Variants in GABRA2 observed in about 807,000 individuals in gnomAD.
The protein encoded by GABRA2 is gamma-aminobutyric acid type A receptor subunit alpha2, also known as gamma-aminobutyric acid receptor subunit alpha-2.
In GABRA2, 16 loss-of-function variants were observed where a neutral mutation model predicts 48.7. The ratio of observed to expected loss-of-function variants is 0.33; its 90% CI spans 0.22 to 0.50. The LOEUF is 0.50. GABRA2 is among the 20% of genes least tolerant of loss of function. The pLI, the probability that GABRA2 is intolerant of heterozygous loss-of-function variation, is 0.98. For missense variants in GABRA2, 275 were observed against 535.6 expected, an observed-to-expected ratio of 0.51 and a Z score of 4.80; for synonymous variants, 185 against 184.5, an observed-to-expected ratio of 1.00 and a Z score of -0.02.
intron 3 of GABRA2, among the ~76,000 whole-genome samples, chr4:46,369,162 C>T (rs181794510): frequency 7.2e-5 from 11 of 152,212 alleles, no homozygotes; most frequent in South Asian, 6.2e-4. Flanking sequence ...CCTGGTCAAG[C>T]GGTTTACTTG....
chr4:46,288,172 A>G (rs1291836645), intron 8 of GABRA2, among the ~76,000 whole-genome samples: 1 of 152,246 alleles, frequency 6.6e-6, no homozygotes, highest in East Asian at 1.9e-4. Flanking sequence ...GAAAGGGGAC[A>G]CAGCCAAACC....
chr4:46,355,074 T>G (rs941514349), intron 3 of GABRA2, among the ~76,000 whole-genome samples: 7 of 152,100 alleles, frequency 4.6e-5, no homozygotes, highest in Admixed American at 1.3e-4. Context: ...CCTAGTCTAC[T>G]CCCTTCCGAG....
chr4:46,379,953 T>C (rs971567712), intron 3 of GABRA2, among the ~76,000 whole-genome samples: 6 of 151,634 alleles, frequency 4.0e-5, no homozygotes, highest in Admixed American at 2.0e-4. Flanking sequence ...CTCAGCATGT[T>C]CTCTCTCTCT....
chr4:46,269,334 T>G (rs1331023074), intron 8 of GABRA2, among the ~76,000 whole-genome samples: 1 of 151,696 alleles, frequency 6.6e-6, no homozygotes, highest in African/African-American at 2.4e-5. Flanking sequence ...CAATAGAGAA[T>G]AAAAAAGAAA....
At chr4:46,257,957 T>A (rs192859463) in intron 9 of GABRA2, among the ~76,000 whole-genome samples, 2 of 151,928 alleles carry the variant, frequency 1.3e-5, no homozygotes, top group Non-Finnish European at 2.9e-5. Context: ...GTATGGGCAG[T>A]GGAAAGATAT....
chr4:46,388,326 G>A (rs779429971), intron 2 of GABRA2, among the ~76,000 whole-genome samples: 1 of 151,980 alleles, frequency 6.6e-6, no homozygotes, highest in African/African-American at 2.4e-5. Context: ...ATCGAATCCT[G>A]GTGTTATATT....
intron 7 of GABRA2, among the ~76,000 whole-genome samples, chr4:46,303,950 A>G (rs1726189909): frequency 1.3e-5 from 2 of 152,218 alleles, no homozygotes. Flanking sequence ...CCTAATCAAA[A>G]TATATAAAAT....
chr4:46,343,694 A>G (rs1733676840), intron 3 of GABRA2, among the ~76,000 whole-genome samples: 1 of 152,042 alleles, frequency 6.6e-6, no homozygotes, highest in Non-Finnish European at 1.5e-5. Flanking sequence ...TATAATATGT[A>G]TAACTCAACA....
chr4:46,389,769 T>G lies in GABRA2; in HGVS notation c.-45A>C, dbSNP rs202079224. Reference sequence around the variant, plus strand: ...CAAGCAGAATTCGGTGTTTTCTTCCTTTTGCCCTGATCTTGACGAGATAGG... The same window carrying G: ...CAAGCAGAATTCGGTGTTTTCTTCCGTTTGCCCTGATCTTGACGAGATAGG... On this transcript the variant is annotated 5_prime_UTR_variant, in exon 1 of 10. Transcript: ENST00000381620. 76 of 973,324 alleles carry G rather than the reference T, an allele frequency of 7.8e-5. No homozygotes were observed. Among genetic ancestry groups the G allele is most frequent in the Non-Finnish European group, 9.2e-5 (76 of 828,114 alleles). 60.3% of individuals were successfully genotyped at this position (973,324 alleles called of 1,614,324 possible). A position where few individuals can be genotyped will look rare whatever the true frequency, so the allele number is the denominator to read the frequency against.
At chr4:46,356,630 C>T (rs1263341445) in intron 3 of GABRA2, among the ~76,000 whole-genome samples, 1 of 152,054 alleles carries the variant, frequency 6.6e-6, no homozygotes, top group East Asian at 1.9e-4. Context: ...CAGACGTTAT[C>T]GCAGGACAAT....
At chr4:46,263,098 T>C (rs1380752827) in intron 8 of GABRA2, among the ~76,000 whole-genome samples, 1 of 151,988 alleles carries the variant, frequency 6.6e-6, no homozygotes, top group Non-Finnish European at 1.5e-5. Flanking sequence ...TACATATACA[T>C]GTATGTACAT....
intron 9 of GABRA2, among the ~76,000 whole-genome samples, chr4:46,256,536 T>G (rs1449296956): frequency 6.6e-6 from 1 of 151,456 alleles, no homozygotes; most frequent in Non-Finnish European, 1.5e-5. Flanking sequence ...TGAGAAAACT[T>G]ATATATCTAA....
intron 5 of GABRA2, among the ~76,000 whole-genome samples, chr4:46,311,656 T>C (rs1334223491): frequency 6.6e-6 from 1 of 152,252 alleles, no homozygotes; most frequent in Non-Finnish European, 1.5e-5. Context: ...AGGATACTTT[T>C]TGAGTTACAA....
chr4:46,264,570 C>G (rs1159691039), intron 8 of GABRA2, among the ~76,000 whole-genome samples: 1 of 151,886 alleles, frequency 6.6e-6, no homozygotes, highest in African/African-American at 2.4e-5. Flanking sequence ...TAAAATGTGG[C>G]TGATTTTAGT....
chr4:46,269,943 G>T (rs1036699028), intron 8 of GABRA2, among the ~76,000 whole-genome samples: 3 of 151,884 alleles, frequency 2.0e-5, no homozygotes, highest in South Asian at 2.1e-4. Context: ...TCTATCAATT[G>T]TAATGCAAAT....
chr4:46,344,424 G>A (rs545494201), intron 3 of GABRA2, among the ~76,000 whole-genome samples: 1 of 151,982 alleles, frequency 6.6e-6, no homozygotes, highest in East Asian at 1.9e-4. Context: ...AGATATTAGA[G>A]AAGAGGAAAA....
intron 9 of GABRA2, chr4:46,261,271 A>G (rs1406892547): frequency 2.0e-5 from 3 of 152,200 alleles, no homozygotes; most frequent in Admixed American, 6.6e-5. Flanking sequence ...TCCCTTTTAG[A>G]CCATATGAAC....
chr4:46,304,535 G>A (rs1726303107), intron 7 of GABRA2, among the ~76,000 whole-genome samples: 1 of 151,818 alleles, frequency 6.6e-6, no homozygotes, highest in South Asian at 2.1e-4. Flanking sequence ...TTCAGAGAGG[G>A]AATCAGCTTT....
At chr4:46,365,575 G>C (rs954378932) in intron 3 of GABRA2, 3 of 151,948 alleles carry the variant, frequency 2.0e-5, no homozygotes, top group Middle Eastern at 3.2e-3. Flanking sequence ...ACATATGCTG[G>C]GTACTTTTAC....
Sources: allele counts gnomAD v4.1 joint callset (sites outside exome capture counted in the v4.1 genomes callset), GRCh38; gene constraint gnomAD v4.1.1; transcripts MANE v1.5; gene names NCBI Gene and HGNC (gene_info 2026-07-23, HGNC 2026-07-21).